Variants in RYR3 observed in about 807,000 individuals in gnomAD.
RYR3 encodes the protein brain ryanodine receptor-calcium release channel.
Under a neutral mutation model 584.3 loss-of-function variants are expected in RYR3, and 207 were observed. The observed-to-expected ratio is 0.35, with a 90% confidence interval of 0.32 to 0.40. The LOEUF is 0.40. Among genes scored for constraint, RYR3 ranks in the 10% least tolerant of loss-of-function variants. The pLI is 1.00. For missense variants in RYR3, 5,616 were observed against 6,089.2 expected (o/e 0.92, Z 2.59); for synonymous variants, 2,416 against 2,248.5 (o/e 1.07, Z -2.11).
chr15:33,312,302 G>A (rs1967439519), intron 1 of RYR3, among the ~76,000 whole-genome samples: 2 of 152,076 alleles, frequency 1.3e-5, no homozygotes, highest in Admixed American at 6.5e-5. Context: ...TCCTGTTGAA[G>A]CGCTTCCTTC....
chr15:33,645,362 A>G (rs966741340), intron 28 of RYR3, among the ~76,000 whole-genome samples: 2 of 152,168 alleles, frequency 1.3e-5, no homozygotes, highest in Non-Finnish European at 2.9e-5. Flanking sequence ...AATCAGCCCC[A>G]TTGCAGCTTT....
chr15:33,627,845 T>C (rs561740694), intron 20 of RYR3, among the ~76,000 whole-genome samples: 126 of 151,536 alleles, frequency 8.3e-4, no homozygotes, highest in Non-Finnish European at 1.4e-3. Context: ...TGAGGTTGAG[T>C]AATGGAGAGA....
intron 16 of RYR3, among the ~76,000 whole-genome samples, chr15:33,596,296 T>C (rs1495285): frequency 0.34 from 52,084 of 151,914 alleles, 9,816 homozygotes; most frequent in East Asian, 0.75. Flanking sequence ...TTTGATTTAA[T>C]ATAGCTTTAT....
At chr15:33,747,416 AC>A (rs2070844357) in intron 53 of RYR3, among the ~76,000 whole-genome samples, 1 of 63,922 alleles carries the variant, frequency 1.6e-5, no homozygotes, top group Admixed American at 1.6e-4. Flanking sequence ...CACTGTTGTC[AC>A]CCTTTTTTTT....
At chr15:33,591,851 T>C (rs549563018) in intron 16 of RYR3, among the ~76,000 whole-genome samples, 2 of 152,324 alleles carry the variant, frequency 1.3e-5, no homozygotes, top group Admixed American at 6.5e-5. Context: ...TTCTCAAATA[T>C]AGGACTTGAC....
chr15:33,425,952 TTCTTTAAA>T (rs1351431725), intron 1 of RYR3, among the ~76,000 whole-genome samples: 1 of 152,216 alleles, frequency 6.6e-6, no homozygotes, highest in African/African-American at 2.4e-5. Context: ...TGTTTTTTTA[TTCTTTAAA>T]TCTTTAAAGA....
At chr15:33,371,729 T>G (rs1204807538) in intron 1 of RYR3, among the ~76,000 whole-genome samples, 1 of 152,170 alleles carries the variant, frequency 6.6e-6, no homozygotes, top group Non-Finnish European at 1.5e-5. Context: ...TGACTGATTC[T>G]CCAACTGGGG....
chr15:33,759,829 A>G (rs535774641), intron 60 of RYR3, among the ~76,000 whole-genome samples: 36 of 152,248 alleles, frequency 2.4e-4, no homozygotes, highest in African/African-American at 7.7e-4. Flanking sequence ...GAGCAACCCC[A>G]AGGAAATCAT....
At position 33,633,162 on chromosome 15, in the gene RYR3, C is replaced by T. The variant is rs892649732; in HGVS notation, c.3027+54C>T. On this transcript the variant is annotated intron_variant, in intron 24 of 103. Transcript: ENST00000634891. ...AAAACTTAGAAGATATGATCATCCA[C>T]GTGCCGTTTTGCTTTGGTGTGTGTT... is the stretch of plus-strand genomic sequence containing the variant. The T allele has an allele frequency of 1.7e-5, 27 of 1,588,480 alleles. No homozygotes were observed. In the African/African-American group the frequency reaches 3.1e-4, roughly 18 times the overall value.
At position 33,613,183 on chromosome 15, in the gene RYR3, G is replaced by A; in HGVS notation, c.2165G>A (p.Gly722Asp). 6.2e-7 allele frequency: 1 copy of A among 1,612,850 alleles called. No individual in the cohort carries two copies. The highest frequency in any genetic ancestry group is 8.5e-7 in the Non-Finnish European group (1 of 1,179,210). Residue 722 changes from glycine to aspartate, a missense_variant and splice_region_variant, in exon 19 of 104, where the codon GGC (glycine) becomes GAC (aspartate). Around this residue, in one of 9 missense-constraint regions of RYR3, gnomAD observed 1,284 missense variants for 1,344.6 expected, o/e 0.95. Coordinates refer to ENST00000634891, the MANE Select transcript of RYR3 (RefSeq NM_001036.6). ...YGFDGLHLWSGRIPRAVASIN... is the reference protein window; with the variant it reads ...YGFDGLHLWSDRIPRAVASIN... ...CTTCTTCCTGTTCTTTCCTCACCAG[G>A]CCGGATACCCAGAGCTGTGGCTTCC...
chr15:33,387,723 G>A (rs566860522), intron 1 of RYR3, among the ~76,000 whole-genome samples: 3 of 150,500 alleles, frequency 2.0e-5, no homozygotes, highest in Non-Finnish European at 4.4e-5. Flanking sequence ...TCAGAAAAAT[G>A]TAAGCAGACA....
chr15:33,452,512 G>A (rs1365629380), intron 1 of RYR3, among the ~76,000 whole-genome samples: 3 of 152,156 alleles, frequency 2.0e-5, no homozygotes, highest in Non-Finnish European at 4.4e-5. Context: ...AGGCCATTGA[G>A]TATTCGTTAT....
intron 1 of RYR3, among the ~76,000 whole-genome samples, chr15:33,362,311 G>C (rs1477789488): frequency 6.6e-6 from 1 of 152,070 alleles, no homozygotes; most frequent in Non-Finnish European, 1.5e-5. Context: ...ACATCATAGG[G>C]TTGTGGGGAG....
At chr15:33,491,268 C>T (rs1040218611) in intron 2 of RYR3, among the ~76,000 whole-genome samples, 2 of 152,120 alleles carry the variant, frequency 1.3e-5, no homozygotes, top group African/African-American at 4.8e-5. Context: ...TCAAACTTAC[C>T]CACATTCTGT....
chr15:33,766,650 C>T (rs1470911864), intron 60 of RYR3, among the ~76,000 whole-genome samples: 1 of 152,246 alleles, frequency 6.6e-6, no homozygotes. Context: ...GCCGATCAGC[C>T]TTGCAAATAG....
At chr15:33,731,131 A>G (rs35856096) in intron 47 of RYR3, among the ~76,000 whole-genome samples, 12 of 152,180 alleles carry the variant, frequency 7.9e-5, no homozygotes, top group Admixed American at 1.3e-4. Context: ...AAGCATCAAA[A>G]TGTTGGGTTA....
At chr15:33,585,963 A>T in intron 15 of RYR3, 35 bp from the exon 16 acceptor site, 1 of 1,325,902 alleles carries the variant, frequency 7.5e-7, no homozygotes, top group Non-Finnish European at 1.1e-6. Context: ...CAGGGCATTT[A>T]ATGTCCAAAT....
chr15:33,572,984 A>G (rs554993413), intron 12 of RYR3, among the ~76,000 whole-genome samples: 24 of 152,302 alleles, frequency 1.6e-4, no homozygotes, highest in African/African-American at 5.8e-4. Flanking sequence ...CAAAAAATAA[A>G]TAAAAAATAA....
chr15:33,695,061 G>T (rs563395167), intron 38 of RYR3, among the ~76,000 whole-genome samples: 2 of 152,296 alleles, frequency 1.3e-5, no homozygotes, highest in East Asian at 3.9e-4. Flanking sequence ...GCACTGATCT[G>T]TTTACTCCCC....
Sources: gnomAD v4.1 joint callset for allele counts (sites outside exome capture counted in the v4.1 genomes callset) on GRCh38, gnomAD v4.1.1 for gene constraint, gnomAD v4.1.1 regional missense constraint, MANE v1.5 for transcripts, NCBI Gene and HGNC (gene_info 2026-07-23, HGNC 2026-07-21) for gene names.